Variants in CAMKMT observed in about 807,000 individuals in gnomAD.
The protein encoded by CAMKMT is calmodulin-lysine N-methyltransferase.
CAMKMT carries 53 observed loss-of-function variants against 48.0 expected under a neutral mutation model. The ratio of observed to expected loss-of-function variants is 1.10; its 90% CI spans 0.89 to 1.39. CAMKMT has a LOEUF of 1.39. Among genes scored for constraint, CAMKMT ranks in the 40% most tolerant of loss-of-function variants. The pLI is 0.00. For missense variants in CAMKMT, 428 were observed against 402.7 expected (o/e 1.06, Z -0.54); for synonymous variants, 165 against 152.3 (o/e 1.08, Z -0.61).
intron 3 of CAMKMT, among the ~76,000 whole-genome samples, chr2:44,658,136 C>T (rs1424985405): frequency 2.0e-5 from 3 of 152,186 alleles, no homozygotes; most frequent in Non-Finnish European, 2.9e-5. Context: ...AAAGCACCGA[C>T]GTCATTCTGT....
At chr2:44,668,003 C>G (rs1031048006) in intron 3 of CAMKMT, among the ~76,000 whole-genome samples, 59 of 152,208 alleles carry the variant, frequency 3.9e-4, no homozygotes, top group African/African-American at 1.4e-3. Flanking sequence ...AACTCTGAGC[C>G]TGTCCCTGAG....
intron 3 of CAMKMT, among the ~76,000 whole-genome samples, chr2:44,507,373 TA>T (rs1399581604): frequency 6.6e-6 from 1 of 152,160 alleles, no homozygotes; most frequent in Admixed American, 6.5e-5. Context: ...GGAGCACTTA[TA>T]AAAAAAACCT....
At chr2:44,625,118 G>A (rs902162854) in intron 3 of CAMKMT, among the ~76,000 whole-genome samples, 8 of 152,324 alleles carry the variant, frequency 5.3e-5, no homozygotes, top group Non-Finnish European at 1.2e-4. Flanking sequence ...CCCCAGCAGT[G>A]TATGAGAGTT....
chr2:44,531,806 G>T (rs1269627773), intron 3 of CAMKMT, among the ~76,000 whole-genome samples: 1 of 151,936 alleles, frequency 6.6e-6, no homozygotes, highest in Non-Finnish European at 1.5e-5. Context: ...TTCCTTTTAA[G>T]AAAACTAAGG....
At chr2:44,588,306 G>A (rs1378611466) in intron 3 of CAMKMT, among the ~76,000 whole-genome samples, 4 of 73,454 alleles carry the variant, frequency 5.4e-5, no homozygotes, top group East Asian at 6.2e-4. Flanking sequence ...GGGAGGGAGG[G>A]GGGGGGTCAG....
At chr2:44,383,600 G>T (rs963317505) in intron 2 of CAMKMT, among the ~76,000 whole-genome samples, 7 of 152,098 alleles carry the variant, frequency 4.6e-5, no homozygotes, top group African/African-American at 1.7e-4. Flanking sequence ...GCAGTATACA[G>T]TGTACCATAT....
At chr2:44,419,878 T>A (rs545551931) in intron 3 of CAMKMT, among the ~76,000 whole-genome samples, 12 of 151,536 alleles carry the variant, frequency 7.9e-5, no homozygotes, top group Middle Eastern at 3.4e-3. Context: ...TTTAAAAAAA[T>A]TTTTTTTTTC....
chr2:44,398,077 A>G (rs1317129634), intron 3 of CAMKMT, among the ~76,000 whole-genome samples: 1 of 152,200 alleles, frequency 6.6e-6, no homozygotes. Flanking sequence ...AATAGCTACC[A>G]TTACTTTTGC....
At chr2:44,428,921 C>A (rs1026784218) in intron 3 of CAMKMT, among the ~76,000 whole-genome samples, 1 of 152,172 alleles carries the variant, frequency 6.6e-6, no homozygotes, top group African/African-American at 2.4e-5. Context: ...TGGAGTGACC[C>A]AGCTAAACAG....
At chr2:44,577,102 T>C (rs1669265437) in intron 3 of CAMKMT, among the ~76,000 whole-genome samples, 1 of 152,232 alleles carries the variant, frequency 6.6e-6, no homozygotes, top group African/African-American at 2.4e-5. Context: ...GTCACTTTGA[T>C]GCTGGTTGTA....
At chr2:44,467,530 A>T (rs192276473) in intron 3 of CAMKMT, among the ~76,000 whole-genome samples, 1 of 143,208 alleles carries the variant, frequency 7.0e-6, no homozygotes, top group East Asian at 2.0e-4. Context: ...CAAGAGCGAA[A>T]CTCTGTCTCA....
chr2:44,407,149 A>G (rs1431868908), intron 3 of CAMKMT, among the ~76,000 whole-genome samples: 2 of 152,106 alleles, frequency 1.3e-5, no homozygotes, highest in Non-Finnish European at 2.9e-5. Context: ...AGTTATCTGC[A>G]GTTGTTCTGG....
At chr2:44,461,674 G>A (rs1667856654) in intron 3 of CAMKMT, among the ~76,000 whole-genome samples, 2 of 152,160 alleles carry the variant, frequency 1.3e-5, no homozygotes, top group Admixed American at 1.3e-4. Context: ...GAGTGTAAAT[G>A]ACTACTATTA....
intron 3 of CAMKMT, among the ~76,000 whole-genome samples, chr2:44,484,119 T>A (rs1429428022): frequency 6.6e-6 from 1 of 151,692 alleles, no homozygotes; most frequent in African/African-American, 2.4e-5. Context: ...TCCAAAATGA[T>A]CTGAAGCCAT....
intron 3 of CAMKMT, among the ~76,000 whole-genome samples, chr2:44,445,657 T>TG: frequency 1.1e-4 from 1 of 9,028 alleles, no homozygotes; most frequent in Non-Finnish European, 2.8e-4. Flanking sequence ...TTTTTTTTTT[T>TG]TTTTTTTTTT....
At chr2:44,736,384 T>C (rs1395825944) in intron 7 of CAMKMT, among the ~76,000 whole-genome samples, 1 of 152,250 alleles carries the variant, frequency 6.6e-6, no homozygotes, top group African/African-American at 2.4e-5. Context: ...AAAAATATGC[T>C]GTCATCCTTA....
At chr2:44,707,590 TA>T (rs1677635509) in intron 6 of CAMKMT, 128 bp downstream of exon 6, 4 of 653,080 alleles carry the variant, frequency 6.1e-6, no homozygotes, top group Non-Finnish European at 1.0e-5. Flanking sequence ...ACATGATAAG[TA>T]ATTAAGAAAA....
rs962532162 is a variant in CAMKMT at position 44,466,961 on chromosome 2, T to G, written c.376+76656T>G. Among the ~76,000 whole-genome samples, 10 of 152,038 alleles carry G rather than the reference T, an allele frequency of 6.6e-5. 1 individual carries two copies. The East Asian group carries it at 1.5e-3, about 23-fold the overall frequency. ...CTACCAAGACTGAATCACTAAGAAA[T>G]AAAAATAGGCCAGTCACGGTGGCTC... On this transcript the variant is annotated intron_variant, in intron 3 of 10. Coordinates refer to ENST00000378494, the MANE Select transcript of CAMKMT (RefSeq NM_024766.5).
intron 10 of CAMKMT, among the ~76,000 whole-genome samples, chr2:44,767,774 A>AGGGT: frequency 6.6e-6 from 1 of 152,224 alleles, no homozygotes; most frequent in Non-Finnish European, 1.5e-5. Flanking sequence ...TGGTAGGAAA[A>AGGGT]GGGTCCCTCC....
Sources: allele counts gnomAD v4.1 joint callset (sites outside exome capture counted in the v4.1 genomes callset), GRCh38; gene constraint gnomAD v4.1.1; transcripts MANE v1.5; gene names NCBI Gene and HGNC (gene_info 2026-07-23, HGNC 2026-07-21).